Variants in NREP observed in about 807,000 individuals in gnomAD.
NREP encodes the protein neuronal regeneration related protein.
A neutral mutation model predicts 8.6 loss-of-function variants in NREP; 5 were observed. The observed-to-expected ratio is 0.58, with a 90% CI of 0.30 to 1.22. NREP has a LOEUF of 1.22. Among genes scored for constraint, NREP ranks in the 50% most tolerant of loss-of-function variants. The pLI is 0.07. For synonymous variants in NREP, 27 were observed against 28.0 expected (o/e 0.96, Z 0.11); for missense variants, 86 against 82.5 (o/e 1.04, Z -0.17).
At chr5:111,931,483 G>A (rs747702375) in intron 2 of NREP, among the ~76,000 whole-genome samples, 21 of 152,176 alleles carry the variant, frequency 1.4e-4, no homozygotes, top group East Asian at 1.9e-4. Flanking sequence ...ACTGGAAGCC[G>A]ACCTTCCAGC....
At chr5:111,837,985 A>G (rs1372943307) in intron 2 of NREP, among the ~76,000 whole-genome samples, 1 of 152,058 alleles carries the variant, frequency 6.6e-6, no homozygotes, top group Non-Finnish European at 1.5e-5. Flanking sequence ...ATCTAATTAA[A>G]CCTTTAGAGT....
At chr5:111,884,221 T>G (rs1462485343) in intron 2 of NREP, among the ~76,000 whole-genome samples, 2 of 151,310 alleles carry the variant, frequency 1.3e-5, no homozygotes, top group African/African-American at 4.9e-5. Flanking sequence ...CTAGAAAATC[T>G]AGAAGAAATG....
At chr5:111,816,493 C>T in intron 2 of NREP, among the ~76,000 whole-genome samples, 1 of 151,934 alleles carries the variant, frequency 6.6e-6, no homozygotes, top group Non-Finnish European at 1.5e-5. Flanking sequence ...TTACCAAATC[C>T]TTTTATTGTC....
At chr5:111,831,212 T>C (rs549535694) in intron 2 of NREP, among the ~76,000 whole-genome samples, 160 of 152,264 alleles carry the variant, frequency 1.1e-3, no homozygotes, top group African/African-American at 3.4e-3. Flanking sequence ...CTGACATGGC[T>C]ACTGGGTACA....
intron 2 of NREP, among the ~76,000 whole-genome samples, chr5:111,881,919 G>C (rs550559616): frequency 2.6e-5 from 4 of 152,314 alleles, no homozygotes; most frequent in Non-Finnish European, 2.9e-5. Context: ...AAAAAGCAGA[G>C]CACCTCTCCT....
At chr5:111,762,702 C>T (rs565466057), upstream of NREP, among the ~76,000 whole-genome samples, 4 of 152,232 alleles carry the variant, frequency 2.6e-5, no homozygotes, top group East Asian at 3.9e-4. Context: ...CCAGTGACAC[C>T]TTAGATCTCA....
chr5:111,748,361 C>G (rs1561644337), intron 2 of NREP, among the ~76,000 whole-genome samples: 1 of 152,140 alleles, frequency 6.6e-6, no homozygotes, highest in Non-Finnish European at 1.5e-5. Flanking sequence ...TGACTTATAA[C>G]CAAGCTATCA....
intron 2 of NREP, among the ~76,000 whole-genome samples, chr5:111,909,603 A>G (rs536876634): frequency 2.0e-5 from 3 of 152,210 alleles, no homozygotes; most frequent in African/African-American, 4.8e-5. Flanking sequence ...CTAAGTCTTT[A>G]TGATCTAAAA....
Position 111,771,779 on chromosome 5 carries a change from C to CA in NREP, c.136-36273dup, listed in dbSNP as rs906683521. On this transcript the variant is annotated intron_variant, in intron 2 of 3. Transcript: ENST00000395634. ...ACTCCATCTCAAAAAAAAAAAAAAA[C>CA]AAAAAAATCAATAGAATATTTAGAA... 4.4e-3 allele frequency among the ~76,000 whole-genome samples: 637 copies of CA among 144,088 alleles called. 6 individuals carry two copies. The highest frequency in any genetic ancestry group is 0.016 in the African/African-American group (608 of 39,134). 94.5% of individuals were successfully genotyped at this position (144,088 alleles called of 152,430 possible). A position where few individuals can be genotyped will look rare whatever the true frequency, so the allele number is the denominator to read the frequency against.
intron 2 of NREP, among the ~76,000 whole-genome samples, chr5:111,792,811 A>G (rs546213631): frequency 6.6e-6 from 1 of 152,244 alleles, no homozygotes; most frequent in East Asian, 1.9e-4. Flanking sequence ...TGGTGATTCA[A>G]CCATGACTTA....
chr5:111,881,429 AC>A (rs1190267338), intron 2 of NREP, among the ~76,000 whole-genome samples: 1 of 152,164 alleles, frequency 6.6e-6, no homozygotes, highest in Non-Finnish European at 1.5e-5. Flanking sequence ...GACAGCAGTA[AC>A]CTCTGCAGAC....
At chr5:111,876,044 C>A (rs546895928) in intron 2 of NREP, among the ~76,000 whole-genome samples, 1 of 152,158 alleles carries the variant, frequency 6.6e-6, no homozygotes. Context: ...AAATCTCTGG[C>A]AGTGCATACC....
intron 2 of NREP, among the ~76,000 whole-genome samples, chr5:111,787,573 G>A (rs915578054): frequency 2.6e-5 from 4 of 151,212 alleles, no homozygotes; most frequent in African/African-American, 9.7e-5. Flanking sequence ...CACAGAAGGT[G>A]GAAACAAGTA....
chr5:111,827,755 A>G (rs1489839123), intron 2 of NREP, among the ~76,000 whole-genome samples: 4 of 151,896 alleles, frequency 2.6e-5, no homozygotes, highest in Non-Finnish European at 1.5e-5. Context: ...AGGCAGAAGA[A>G]TTGCTTGAAC....
chr5:111,975,607 C>G (rs1002703663), intron 1 of NREP, among the ~76,000 whole-genome samples: 5 of 151,940 alleles, frequency 3.3e-5, no homozygotes, highest in African/African-American at 1.2e-4. Flanking sequence ...GGGTGTGGTT[C>G]TAAAAAAGGT....
intron 2 of NREP, among the ~76,000 whole-genome samples, chr5:111,966,367 A>C (rs1400907462): frequency 6.6e-6 from 1 of 152,228 alleles, no homozygotes; most frequent in Non-Finnish European, 1.5e-5. Context: ...CATTATAATC[A>C]ATCTGCTTTT....
intron 2 of NREP, among the ~76,000 whole-genome samples, chr5:111,964,457 C>T (rs918856802): frequency 4.6e-5 from 7 of 152,110 alleles, no homozygotes; most frequent in Admixed American, 2.6e-4. Context: ...AACCTCGCCT[C>T]CTGTGTTCAA....
intron 2 of NREP, among the ~76,000 whole-genome samples, chr5:111,875,473 C>G (rs1012860738): frequency 1.3e-5 from 2 of 152,058 alleles, no homozygotes; most frequent in African/African-American, 2.4e-5. Context: ...GTGGTTTTCA[C>G]CACTCAGAAT....
intron 2 of NREP, among the ~76,000 whole-genome samples, chr5:111,822,110 G>C (rs1752526268): frequency 6.6e-6 from 1 of 152,064 alleles, no homozygotes; most frequent in Non-Finnish European, 1.5e-5. Flanking sequence ...ATTTAGTGTG[G>C]ACCAGCTCAT....
Sources: gnomAD v4.1 joint callset for allele counts (sites outside exome capture counted in the v4.1 genomes callset) on GRCh38, gnomAD v4.1.1 for gene constraint, MANE v1.5 for transcripts, NCBI Gene and HGNC (gene_info 2026-07-23, HGNC 2026-07-21) for gene names.